The following L3MBTL3 variants were observed in gnomAD, a reference collection of about 807,000 sequenced individuals.
L3MBTL3 encodes lethal(3)malignant brain tumor-like protein 3.
A neutral mutation model predicts 102.3 loss-of-function variants in L3MBTL3; 27 were observed. The ratio of observed to expected loss-of-function variants is 0.26; its 90% CI spans 0.19 to 0.36. The LOEUF is 0.36. L3MBTL3 is among the 10% of genes least tolerant of loss of function. The pLI is 1.00. For missense variants in L3MBTL3, 798 were observed against 955.3 expected (o/e 0.84, Z 2.17); for synonymous variants, 340 against 320.9 (o/e 1.06, Z -0.64).
At chr6:130,116,337 T>C (rs7739026) in intron 19 of L3MBTL3, among the ~76,000 whole-genome samples, 2,246 of 152,284 alleles carry the variant, frequency 0.015, 50 homozygotes, top group African/African-American at 0.051. Context: ...AACTGAGAAT[T>C]AGACAAATTA....
chr6:130,124,065 T>C (rs1208970406), intron 20 of L3MBTL3, among the ~76,000 whole-genome samples: 9 of 152,160 alleles, frequency 5.9e-5, no homozygotes, highest in Admixed American at 5.2e-4. Flanking sequence ...TGAGCTGTGA[T>C]GTAGTTATAG....
chr6:130,124,728 T>A (rs1786477857), intron 20 of L3MBTL3, among the ~76,000 whole-genome samples: 1 of 152,182 alleles, frequency 6.6e-6, no homozygotes, highest in Non-Finnish European at 1.5e-5. Context: ...CCCAACACTT[T>A]GGGAGGCCGA....
At position 130,049,810 on chromosome 6, in the gene L3MBTL3, C is replaced by T. The variant is rs751643078; in HGVS notation, c.269C>T (p.Ser90Phe). 82 of 1,613,580 alleles carry T rather than the reference C, an allele frequency of 5.1e-5. No individual in the cohort carries two copies. The highest frequency in any genetic ancestry group is 1.6e-4 in the Middle Eastern group (1 of 6,074). Residue 90 changes from serine (S) to phenylalanine (F), a missense_variant, in exon 5 of 23, where the codon TCT (serine) becomes TTT (phenylalanine). Transcript: ENST00000361794. ...GTATTTCCACCTGCCTACTGGACATCTCCACCTGGATGTCCCACAGGTACC... is the reference window on the plus strand; with the variant it reads ...GTATTTCCACCTGCCTACTGGACATTTCCACCTGGATGTCCCACAGGTACC... ...RPVFPPAYWTSPPGCPTVFSE... is the reference protein window; with the variant it reads ...RPVFPPAYWTFPPGCPTVFSE...
rs541647158 is a variant in L3MBTL3, at chr6:130,044,363, G to A, written c.102+1562G>A. 1.2e-3 allele frequency among the ~76,000 whole-genome samples: 178 copies of A among 151,840 alleles called. 1 individual carries two copies. Among genetic ancestry groups the A allele is most frequent in the Non-Finnish European group, 1.4e-3 (92 of 67,928 alleles). ...ATTGCTTTACTCCTTTATTTCCCTT[G>A]TGTGTTTTTATCCATTTTCCTCTCA... On this transcript the variant is annotated intron_variant, in intron 3 of 22. Transcript: ENST00000361794.
intron 19 of L3MBTL3, among the ~76,000 whole-genome samples, chr6:130,112,689 C>T (rs905949715): frequency 2.6e-5 from 4 of 151,776 alleles, no homozygotes; most frequent in East Asian, 3.9e-4. Context: ...GCATCCTCAT[C>T]GGGAAGCTCT....
At chr6:130,081,074 C>T (rs372682787) in intron 14 of L3MBTL3, among the ~76,000 whole-genome samples, 4 of 152,214 alleles carry the variant, frequency 2.6e-5, no homozygotes, top group East Asian at 1.9e-4. Context: ...ACCACGTTTC[C>T]GTTCTTTCTA....
At chr6:130,027,479 G>C (rs1393186848) in intron 2 of L3MBTL3, among the ~76,000 whole-genome samples, 1 of 152,134 alleles carries the variant, frequency 6.6e-6, no homozygotes, top group East Asian at 1.9e-4. Context: ...ATCTGGTCTG[G>C]TTGTTAAATG....
At chr6:130,036,321 G>A (rs1176767173) in intron 2 of L3MBTL3, among the ~76,000 whole-genome samples, 1 of 152,106 alleles carries the variant, frequency 6.6e-6, no homozygotes, top group East Asian at 1.9e-4. Context: ...TTGTAATAAT[G>A]AAAGTACCCA....
chr6:130,052,853 C>T lies in L3MBTL3; in HGVS notation c.450-6C>T, dbSNP rs767067662. The T allele has an allele frequency of 6.4e-5, 103 of 1,610,518 alleles. 1 individual carries two copies. The Admixed American group carries it at 1.6e-3, about 25-fold the overall frequency. ...TGTCACTATTTTGGGTTTATAAACA[C>T]AACAGAGATCAGAAGGAAGAAAGGG... On this transcript the variant is annotated splice_polypyrimidine_tract_variant and splice_region_variant and intron_variant, in intron 6 of 22. Coordinates refer to ENST00000361794, the MANE Select transcript of L3MBTL3 (RefSeq NM_032438.4).
intron 16 of L3MBTL3, among the ~76,000 whole-genome samples, chr6:130,087,875 A>G (rs951130752): frequency 1.2e-4 from 19 of 152,132 alleles, no homozygotes; most frequent in African/African-American, 4.1e-4. Flanking sequence ...TATATAAGCA[A>G]TTCTGGAAAG....
chr6:130,114,565 A>G, intron 19 of L3MBTL3, among the ~76,000 whole-genome samples: 1 of 152,172 alleles, frequency 6.6e-6, no homozygotes, highest in South Asian at 2.1e-4. Context: ...TATCTTGGTA[A>G]TACCCACCTC....
chr6:130,049,805 G>T lies in L3MBTL3; in HGVS notation c.264G>T (p.Trp88Cys). 6.2e-7 allele frequency: 1 copy of T among 1,613,478 alleles called. No homozygotes were observed. Among genetic ancestry groups the T allele is most frequent in the Non-Finnish European group, 8.5e-7 (1 of 1,179,756 alleles). ...GGCCCGTATTTCCACCTGCCTACTG[G>T]ACATCTCCACCTGGATGTCCCACAG... ...SSRPVFPPAYWTSPPGCPTVF... is the reference protein window; with the variant it reads ...SSRPVFPPAYCTSPPGCPTVF... The change falls in exon 5 of 23, where the codon TGG becomes TGT. Residue 88 changes from tryptophan to cysteine, a missense_variant. By Grantham distance (215) the Trp-to-Cys change is radical (BLOSUM62 -2). Coordinates refer to ENST00000361794, the MANE Select transcript of L3MBTL3 (RefSeq NM_032438.4).
chr6:130,085,667 T>G (rs532975026), intron 15 of L3MBTL3, among the ~76,000 whole-genome samples: 1 of 152,332 alleles, frequency 6.6e-6, no homozygotes, highest in South Asian at 2.1e-4. Context: ...TTTTCTTTCT[T>G]TATTTAAAAA....
chr6:130,116,817 A>G (rs948151271), intron 19 of L3MBTL3, among the ~76,000 whole-genome samples: 2 of 152,080 alleles, frequency 1.3e-5, no homozygotes, highest in African/African-American at 4.8e-5. Flanking sequence ...GAAATTGTTG[A>G]TAATGAAAAA....
intron 2 of L3MBTL3, among the ~76,000 whole-genome samples, chr6:130,042,052 A>G (rs1012183156): frequency 2.0e-5 from 3 of 152,200 alleles, no homozygotes; most frequent in Non-Finnish European, 4.4e-5. Context: ...ATACCAACAT[A>G]ATTACTTATT....
At chr6:130,102,734 A>G (rs1039731688) in intron 18 of L3MBTL3, among the ~76,000 whole-genome samples, 2 of 152,086 alleles carry the variant, frequency 1.3e-5, no homozygotes, top group African/African-American at 2.4e-5. Flanking sequence ...TTGTTTCCCT[A>G]CGGATCTTCT....
At chr6:130,038,792 T>C (rs1319135779) in intron 2 of L3MBTL3, among the ~76,000 whole-genome samples, 2 of 152,148 alleles carry the variant, frequency 1.3e-5, no homozygotes, top group African/African-American at 4.8e-5. Context: ...CAGTTGTCTA[T>C]GTTTGCTTTT....
intron 22 of L3MBTL3, 55 bp from the exon 23 acceptor site, chr6:130,139,555 C>G: frequency 2.0e-6 from 3 of 1,529,744 alleles, no homozygotes; most frequent in Non-Finnish European, 2.7e-6. Flanking sequence ...TGAATATTTT[C>G]TACAACACTG....
chr6:130,019,126 C>A (rs1426712967), intron 1 of L3MBTL3, among the ~76,000 whole-genome samples: 1 of 151,870 alleles, frequency 6.6e-6, no homozygotes, highest in African/African-American at 2.4e-5. Context: ...GGCGCGCAGG[C>A]GGCGGGATGC....
Sources: gnomAD v4.1 joint callset for allele counts (sites outside exome capture counted in the v4.1 genomes callset) on GRCh38, gnomAD v4.1.1 for gene constraint, MANE v1.5 for transcripts, NCBI Gene and HGNC (gene_info 2026-07-23, HGNC 2026-07-21) for gene names.